Variants in LRMDA observed in about 807,000 individuals in gnomAD.
LRMDA encodes the protein leucine rich melanocyte differentiation associated, also known as leucine-rich melanocyte differentiation-associated protein.
In LRMDA, 18 loss-of-function variants were observed where a neutral mutation model predicts 29.8. The observed-to-expected ratio is 0.60, with a 90% CI of 0.42 to 0.90. The LOEUF (loss-of-function observed/expected upper bound fraction) is 0.90, where lower values mean the gene tolerates loss of function less well. Ranked by LOEUF, LRMDA falls within the 40% of genes least tolerant of loss-of-function variation. LRMDA has a pLI of 0.00. For synonymous variants in LRMDA, 125 were observed against 109.4 expected, an observed-to-expected ratio of 1.14 and a Z score of -0.89; for missense variants, 273 against 273.9, an observed-to-expected ratio of 1.00 and a Z score of 0.02.
At chr10:76,358,399 T>C (rs564645049) in intron 6 of LRMDA, among the ~76,000 whole-genome samples, 1 of 152,326 alleles carries the variant, frequency 6.6e-6, no homozygotes, top group South Asian at 2.1e-4. Flanking sequence ...ACCACTGGTG[T>C]CAAATTATGC....
chr10:76,465,520 C>T (rs1460468367), intron 6 of LRMDA, among the ~76,000 whole-genome samples: 4 of 152,110 alleles, frequency 2.6e-5, no homozygotes, highest in African/African-American at 9.7e-5. Context: ...ATACAACTAC[C>T]TATGAAAAAG....
At chr10:76,300,751 C>G (rs1405982308) in intron 5 of LRMDA, among the ~76,000 whole-genome samples, 1 of 152,202 alleles carries the variant, frequency 6.6e-6, no homozygotes, top group African/African-American at 2.4e-5. Context: ...GTTTACTCCT[C>G]TCAACATGGT....
chr10:76,160,046 A>C (rs187469112), intron 5 of LRMDA, among the ~76,000 whole-genome samples: 1 of 152,124 alleles, frequency 6.6e-6, no homozygotes, highest in Admixed American at 6.5e-5. Flanking sequence ...CGATGGGTTG[A>C]TGTAGGTTCA....
chr10:76,332,652 T>C lies in LRMDA; in HGVS notation c.601+8167T>C, dbSNP rs773787928. Among the ~76,000 whole-genome samples, 19 of 152,244 alleles carry C rather than the reference T, an allele frequency of 1.2e-4. 1 individual carries two copies. In the South Asian group the frequency reaches 1.7e-3, roughly 13 times the overall value. On this transcript the variant is annotated intron_variant, in intron 6 of 6. Transcript: ENST00000611255. ...CTTAACAAAATGGAAGCCTAGAATGTACAGGGTGGAAGGTTCTAAATGTGC... is the reference window on the plus strand; with the variant it reads ...CTTAACAAAATGGAAGCCTAGAATGCACAGGGTGGAAGGTTCTAAATGTGC...
At chr10:75,722,970 AG>A (rs1239595297) in intron 2 of LRMDA, among the ~76,000 whole-genome samples, 1 of 152,246 alleles carries the variant, frequency 6.6e-6, no homozygotes, top group Admixed American at 6.5e-5. Flanking sequence ...GAACTCATTT[AG>A]GAAACAGAGT....
chr10:76,413,149 T>G (rs1036113579), intron 6 of LRMDA, among the ~76,000 whole-genome samples: 1 of 152,198 alleles, frequency 6.6e-6, no homozygotes, highest in Non-Finnish European at 1.5e-5. Flanking sequence ...TGACCTTTTT[T>G]CAAGATTCTG....
chr10:75,500,529 C>T (rs892111266), intron 2 of LRMDA, among the ~76,000 whole-genome samples: 2 of 152,120 alleles, frequency 1.3e-5, no homozygotes, highest in African/African-American at 4.8e-5. Flanking sequence ...AGTAGATATG[C>T]AGTAAATACT....
intron 2 of LRMDA, among the ~76,000 whole-genome samples, chr10:75,488,330 C>T (rs1285427326): frequency 1.3e-5 from 2 of 152,128 alleles, no homozygotes; most frequent in Non-Finnish European, 2.9e-5. Context: ...TTCATGTGAA[C>T]TGAAAGGGAC....
intron 2 of LRMDA, among the ~76,000 whole-genome samples, chr10:75,632,797 T>TG (rs1303456703): frequency 7.1e-6 from 1 of 140,526 alleles, no homozygotes; most frequent in Admixed American, 7.0e-5. Context: ...TTTTTTTTTT[T>TG]TTTTTTTTTT....
rs76884509 is a variant in LRMDA, at chr10:76,113,383, T to C, written c.516+54600T>C. Among the ~76,000 whole-genome samples, 16 of 152,054 alleles carry C rather than the reference T, an allele frequency of 1.1e-4. No homozygotes were observed. The South Asian group carries it at 2.1e-3, about 20-fold the overall frequency. ...AACGACCTCTAGAGACTTTTTTTTT[T>C]CCACTGGGCTTGAATTTCTTGGGCT... On this transcript the variant is annotated intron_variant, in intron 5 of 6. Coordinates refer to ENST00000611255, the MANE Select transcript of LRMDA (RefSeq NM_001305581.2).
intron 2 of LRMDA, among the ~76,000 whole-genome samples, chr10:75,621,963 CTG>C (rs1378522915): frequency 2.0e-5 from 3 of 152,180 alleles, no homozygotes; most frequent in Non-Finnish European, 4.4e-5. Context: ...ACCACTATAA[CTG>C]TGAAGGGGTT....
In LRMDA at chr10:75,812,108, A is replaced by ATTTTT. The variant is rs67846089; in HGVS notation, c.132-223874_132-223870dup. Among the ~76,000 whole-genome samples, 16 of 46,284 alleles carry ATTTTT rather than the reference A, an allele frequency of 3.5e-4. 2 individuals are homozygous for ATTTTT. The highest frequency in any genetic ancestry group is 1.6e-3 in the African/African-American group (13 of 8,378). 30.4% of individuals were successfully genotyped at this position (46,284 alleles called of 152,430 possible). A position where few individuals can be genotyped will look rare whatever the true frequency, so the allele number is the denominator to read the frequency against. On this transcript the variant is annotated intron_variant, in intron 2 of 6. Transcript: ENST00000611255. ...TAGTTTCTAAGGGGCTTTAATTGTGATTTTTTTTTTTTTTTTTTTTTTTTT... is the reference window on the plus strand; with the variant it reads ...TAGTTTCTAAGGGGCTTTAATTGTGATTTTTTTTTTTTTTTTTTTTTTTTTTTTTT...
chr10:75,687,757 G>A (rs1005973721), intron 2 of LRMDA, among the ~76,000 whole-genome samples: 12 of 152,190 alleles, frequency 7.9e-5, no homozygotes, highest in African/African-American at 2.9e-4. Flanking sequence ...GTGAATGCCT[G>A]GCTTCAAAGC....
chr10:75,800,591 A>C (rs189483519), intron 2 of LRMDA, among the ~76,000 whole-genome samples: 2 of 151,968 alleles, frequency 1.3e-5, no homozygotes, highest in African/African-American at 4.8e-5. Context: ...TCAATTACAG[A>C]ATTTTGTTTG....
At chr10:75,806,889 C>A (rs528411775) in intron 2 of LRMDA, among the ~76,000 whole-genome samples, 1 of 151,686 alleles carries the variant, frequency 6.6e-6, no homozygotes, top group East Asian at 1.9e-4. Context: ...TATTCTATGT[C>A]TTAGGCTCTT....
At chr10:75,886,477 A>C (rs1845392127) in intron 2 of LRMDA, among the ~76,000 whole-genome samples, 7 of 152,094 alleles carry the variant, frequency 4.6e-5, no homozygotes, top group Admixed American at 4.6e-4. Context: ...TAGCAGTCAT[A>C]TTTTTATTAA....
chr10:75,911,924 T>C (rs1236180204), intron 2 of LRMDA, among the ~76,000 whole-genome samples: 2 of 152,202 alleles, frequency 1.3e-5, no homozygotes, highest in Non-Finnish European at 2.9e-5. Flanking sequence ...TCTGTGTACA[T>C]TGCCCAGCCA....
At chr10:76,172,780 C>G (rs1356867492) in intron 5 of LRMDA, among the ~76,000 whole-genome samples, 4 of 152,148 alleles carry the variant, frequency 2.6e-5, no homozygotes, top group African/African-American at 9.6e-5. Flanking sequence ...GTGCTGTGGT[C>G]CTGCCTAACA....
chr10:76,418,923 C>A (rs1842046287), intron 6 of LRMDA, among the ~76,000 whole-genome samples: 1 of 151,926 alleles, frequency 6.6e-6, no homozygotes, highest in Non-Finnish European at 1.5e-5. Flanking sequence ...TTAAAATAGA[C>A]TTTATTTTAG....
Sources: gnomAD v4.1 joint callset for allele counts (sites outside exome capture counted in the v4.1 genomes callset) on GRCh38, gnomAD v4.1.1 for gene constraint, MANE v1.5 for transcripts, NCBI Gene and HGNC (gene_info 2026-07-23, HGNC 2026-07-21) for gene names.